The following ANKRD17 variants were observed in gnomAD, a reference collection of about 807,000 sequenced individuals.
ANKRD17 encodes ankyrin repeat domain-containing protein 17.
ANKRD17 carries 19 observed loss-of-function variants against 229.7 expected under a neutral mutation model. The observed-to-expected ratio is 0.08, with a 90% CI of 0.06 to 0.12. The LOEUF is 0.12. ANKRD17 is among the 10% of genes least tolerant of loss of function. The probability of loss-of-function intolerance (pLI) is 1.00; values close to 1 mark genes in which losing one functional copy is unlikely to be tolerated. For synonymous variants in ANKRD17, 1,112 were observed against 1,146.1 expected, an observed-to-expected ratio of 0.97 and a Z score of 0.60; for missense variants, 2,176 against 3,176.8, an observed-to-expected ratio of 0.68 and a Z score of 7.57.
intron 10 of ANKRD17, among the ~76,000 whole-genome samples, chr4:73,146,279 A>G (rs1320351071): frequency 2.6e-5 from 4 of 152,124 alleles, no homozygotes; most frequent in East Asian, 3.8e-4. Flanking sequence ...CATCTCTTAT[A>G]ATAACCTCAG....
At chr4:73,179,220 C>T (rs967918305) in intron 1 of ANKRD17, among the ~76,000 whole-genome samples, 3 of 151,272 alleles carry the variant, frequency 2.0e-5, no homozygotes, top group Admixed American at 6.6e-5. Context: ...AGCAGTTTAA[C>T]GTGGAATAAC....
intron 22 of ANKRD17, among the ~76,000 whole-genome samples, chr4:73,118,460 T>C (rs1726271859): frequency 6.6e-6 from 1 of 151,984 alleles, no homozygotes; most frequent in Non-Finnish European, 1.5e-5. Context: ...TAGAACAGCT[T>C]TTTAAAAGTT....
At chr4:73,210,283 C>G (rs978341357) in intron 1 of ANKRD17, among the ~76,000 whole-genome samples, 1 of 149,714 alleles carries the variant, frequency 6.7e-6, no homozygotes, top group Non-Finnish European at 1.5e-5. Flanking sequence ...CACTGTATTC[C>G]TACATATGAA....
chr4:73,191,486 G>A (rs1248627594), intron 1 of ANKRD17, among the ~76,000 whole-genome samples: 1 of 151,236 alleles, frequency 6.6e-6, no homozygotes, highest in East Asian at 1.9e-4. Flanking sequence ...TTGTAGACAA[G>A]AAAGCTTTTC....
intron 16 of ANKRD17, among the ~76,000 whole-genome samples, chr4:73,129,425 G>A (rs898839773): frequency 6.6e-6 from 1 of 152,128 alleles, no homozygotes; most frequent in Non-Finnish European, 1.5e-5. Context: ...TGTGTGAAGT[G>A]TCTTTAAAAA....
chr4:73,248,817 C>A (rs1044682939), intron 1 of ANKRD17, among the ~76,000 whole-genome samples: 3 of 151,520 alleles, frequency 2.0e-5, no homozygotes, highest in Admixed American at 2.0e-4. Context: ...TGAAAACAGC[C>A]ACACATAGGA....
chr4:73,106,607 A>ACGGTGGCTCACGCCTGTAATCC (rs1724656482), intron 24 of ANKRD17, among the ~76,000 whole-genome samples: 1 of 152,136 alleles, frequency 6.6e-6, no homozygotes, highest in African/African-American at 2.4e-5. Flanking sequence ...CGGGCTGGGC[A>ACGGTGGCTCACGCCTGTAATCC]CGGTGGCTCA....
intron 31 of ANKRD17, among the ~76,000 whole-genome samples, 157 bp from the exon 32 acceptor site, chr4:73,077,690 T>G (rs1721133152): frequency 6.6e-6 from 1 of 152,222 alleles, no homozygotes; most frequent in Non-Finnish European, 1.5e-5. Context: ...GGTTTGTAAG[T>G]AGTGACATAA....
intron 25 of ANKRD17, chr4:73,098,740 G>T: frequency 1.0e-6 from 1 of 957,378 alleles, no homozygotes; most frequent in Non-Finnish European, 1.6e-6. Flanking sequence ...AAAATATTTT[G>T]GGGGGCATTT....
chr4:73,123,065 C>T (rs1299735600), intron 18 of ANKRD17, among the ~76,000 whole-genome samples: 9 of 152,016 alleles, frequency 5.9e-5, no homozygotes, highest in Admixed American at 1.3e-4. Flanking sequence ...CCCTAACATA[C>T]TTCAACAATT....
At position 73,098,208 on chromosome 4, in the gene ANKRD17, C is replaced by T; in HGVS notation, c.4886G>A (p.Ser1629Asn). ...ATTGTCACTCTTACGACTGCTGTTG[C>T]TGTTACTACTTTCATCGCTGCAGCT... is the stretch of plus-strand genomic sequence containing the variant. ...ISSCSDESSNSNSSRKSDNHS... is the reference protein window; with the variant it reads ...ISSCSDESSNNNSSRKSDNHS... Residue 1629 changes from serine (S) to asparagine (N), a missense_variant, in exon 26 of 34, where the codon AGC becomes AAC. Coordinates refer to ENST00000358602, the MANE Select transcript of ANKRD17 (RefSeq NM_032217.5). The T allele has an allele frequency of 6.2e-7, 1 of 1,614,222 alleles. No homozygotes were observed. Among genetic ancestry groups the T allele is most frequent in the Non-Finnish European group, 8.5e-7 (1 of 1,180,046 alleles).
rs1471370069 is a variant in ANKRD17, at chr4:73,097,110, TACTC to T, written c.5177+3_5177+6del. 17 of 1,607,858 alleles carry T rather than the reference TACTC, an allele frequency of 1.1e-5. No homozygotes were observed. Among genetic ancestry groups the T allele is most frequent in the Admixed American group, 5.1e-5 (3 of 58,558 alleles). ...ACATAAAAAGAATGACAAAAACAAT[TACTC>T]ACCTTCTTACAACTTCTTTCCATCC... On this transcript the variant is annotated splice_donor_5th_base_variant and intron_variant, in intron 27 of 33. Coordinates refer to ENST00000358602, the MANE Select transcript of ANKRD17 (RefSeq NM_032217.5).
At chr4:73,190,564 C>CAAAAAAAAAAAAAAAAAA (rs905807992) in intron 1 of ANKRD17, among the ~76,000 whole-genome samples, 1 of 121,840 alleles carries the variant, frequency 8.2e-6, no homozygotes. Flanking sequence ...AAAAACAAAA[C>CAAAAAAAAAAAAAAAAAA]AAAAAAAAAA....
At chr4:73,127,863 C>T (rs1042294829) in intron 16 of ANKRD17, among the ~76,000 whole-genome samples, 1 of 152,000 alleles carries the variant, frequency 6.6e-6, no homozygotes, top group Non-Finnish European at 1.5e-5. Context: ...GACCAAATTC[C>T]ATTATAAGAA....
At chr4:73,229,823 A>T (rs1187135718) in intron 1 of ANKRD17, among the ~76,000 whole-genome samples, 1 of 152,082 alleles carries the variant, frequency 6.6e-6, no homozygotes, top group East Asian at 1.9e-4. Context: ...TATTTTAAAG[A>T]CCCAGAATTG....
chr4:73,110,421 G>A (rs1328367902), intron 24 of ANKRD17, among the ~76,000 whole-genome samples: 1 of 152,206 alleles, frequency 6.6e-6, no homozygotes, highest in African/African-American at 2.4e-5. Flanking sequence ...CCTGGGCTCA[G>A]CCTCCCGAGT....
chr4:73,081,742 A>C (rs906047788), intron 30 of ANKRD17, among the ~76,000 whole-genome samples: 3 of 152,238 alleles, frequency 2.0e-5, no homozygotes, highest in Non-Finnish European at 4.4e-5. Flanking sequence ...CATAAAATGA[A>C]GTGGCCTAAG....
At chr4:73,094,254 T>C in intron 27 of ANKRD17, 26 bp from the exon 28 acceptor site, 1 of 1,584,910 alleles carries the variant, frequency 6.3e-7, no homozygotes, top group South Asian at 1.1e-5. Flanking sequence ...ATATATAAAT[T>C]AAGATTAGTC....
chr4:73,121,851 C>G (rs1726775850), intron 18 of ANKRD17, 92 bp from the exon 19 acceptor site: 1 of 1,282,378 alleles, frequency 7.8e-7, no homozygotes, highest in South Asian at 1.8e-5. Context: ...GTATACTGTA[C>G]AATAAAAGAA....
Sources: gnomAD v4.1 joint callset for allele counts (sites outside exome capture counted in the v4.1 genomes callset) on GRCh38, gnomAD v4.1.1 for gene constraint, MANE v1.5 for transcripts, NCBI Gene and HGNC (gene_info 2026-07-23, HGNC 2026-07-21) for gene names.